DNAJC21: variants seen among roughly 807,000 people sequenced by gnomAD.
The protein encoded by DNAJC21 is dnaJ homolog subfamily C member 21.
DNAJC21 carries 63 observed loss-of-function variants against 72.4 expected under a neutral mutation model. The ratio of observed to expected loss-of-function variants is 0.87; its 90% CI spans 0.71 to 1.07. The LOEUF is 1.07. Among genes scored for constraint, DNAJC21 ranks in the 50% least tolerant of loss-of-function variants. DNAJC21 has a pLI of 0.00. For missense variants in DNAJC21, 634 were observed against 644.8 expected, an observed-to-expected ratio of 0.98 and a Z score of 0.18; for synonymous variants, 203 against 216.7, an observed-to-expected ratio of 0.94 and a Z score of 0.56.
intron 1 of DNAJC21, chr5:34,930,119 AC>A: frequency 2.6e-6 from 1 of 387,384 alleles, no homozygotes. Context: ...CCCGGCTCAC[AC>A]CCCATCTCCT....
chr5:34,951,351 G>C, intron 10 of DNAJC21: 3 of 985,404 alleles, frequency 3.0e-6, no homozygotes, highest in Non-Finnish European at 3.6e-6. Flanking sequence ...AAAAGCTATT[G>C]AGTAGAAAGG....
At chr5:34,947,953 T>C (rs1029941784) in intron 9 of DNAJC21, among the ~76,000 whole-genome samples, 1 of 152,140 alleles carries the variant, frequency 6.6e-6, no homozygotes, top group Non-Finnish European at 1.5e-5. Context: ...TCCTGTGCTA[T>C]TGGGATTTTT....
At chr5:34,950,920 G>T (rs1448918338) in intron 10 of DNAJC21, 9 of 985,396 alleles carry the variant, frequency 9.1e-6, no homozygotes, top group Non-Finnish European at 9.6e-6. Context: ...ATCCTCCTCG[G>T]TTCCTCTAGA....
rs138107379 is a variant in DNAJC21, at chr5:34,944,685, C to T, written c.984-182C>T. Among the ~76,000 whole-genome samples the T allele has an allele frequency of 4.6e-5, 7 of 151,786 alleles. No individual in the cohort carries two copies. In the East Asian group the frequency reaches 7.7e-4, roughly 17 times the overall value. On this transcript the variant is annotated intron_variant, in intron 7 of 11. Coordinates refer to ENST00000648817, the MANE Select transcript of DNAJC21 (RefSeq NM_001012339.3). Reference sequence around the variant, plus strand: ...TGCTCACTGCCAAGGAATCCTGACACGTTCTGTTTCTCTGTATAAAATCAT... The same window carrying T: ...TGCTCACTGCCAAGGAATCCTGACATGTTCTGTTTCTCTGTATAAAATCAT...
Position 34,951,020 on chromosome 5 carries a change from G to A in DNAJC21, c.1358+678G>A, listed in dbSNP as rs945670468. 6 of 985,398 alleles carry A rather than the reference G, an allele frequency of 6.1e-6. No homozygotes were observed. The African/African-American group carries it at 1.0e-4, about 17-fold the overall frequency. The allele number at this position is 985,398 out of a possible 1,614,324, so 61.0% of individuals were successfully genotyped here. ...TTACAGAACCCTGAAAAGAATTAAA[G>A]TGAGAGAGCAAAGTGGGAGCATGAC... is the stretch of plus-strand genomic sequence containing the variant. On this transcript the variant is annotated intron_variant, in intron 10 of 11. Coordinates refer to ENST00000648817, the MANE Select transcript of DNAJC21 (RefSeq NM_001012339.3).
At chr5:34,933,672 TA>T (rs372473793) in intron 1 of DNAJC21, 142 bp from the exon 2 acceptor site, 8 of 582,538 alleles carry the variant, frequency 1.4e-5, no homozygotes, top group Admixed American at 1.3e-4. Flanking sequence ...TATTGACTGT[TA>T]CGTGGAGTCT....
chr5:34,941,852 C>T (rs1390849244), intron 7 of DNAJC21, among the ~76,000 whole-genome samples: 2 of 151,970 alleles, frequency 1.3e-5, no homozygotes, highest in African/African-American at 4.8e-5. Flanking sequence ...CAGGCGTGAG[C>T]CACAGCGCCT....
chr5:34,936,331 T>C, intron 4 of DNAJC21, 65 bp downstream of exon 4: 1 of 1,567,584 alleles, frequency 6.4e-7, no homozygotes, highest in East Asian at 2.3e-5. Context: ...AATTTTATTT[T>C]ACTTTTTGAG....
rs758445833 is a variant in DNAJC21, at chr5:34,945,801, C to G, written c.1183C>G (p.Gln395Glu). The G allele has an allele frequency of 2.5e-6, 4 of 1,580,366 alleles. No individual in the cohort carries two copies. In the African/African-American group the frequency reaches 5.5e-5, roughly 22 times the overall value. Reference sequence around the variant, plus strand: ...GAAGAAAAAGAAACAGAAACCAGCACAGGTATGTTAGAAAGGTTTTGTTAA... The same window carrying G: ...GAAGAAAAAGAAACAGAAACCAGCAGAGGTATGTTAGAAAGGTTTTGTTAA... ...KQKKKKQKPA[Q>E]NYDDNFNVNG... is the part of the protein sequence containing the mutation. Residue 395 changes from glutamine (Q) to glutamate (E), a missense_variant and splice_region_variant, in exon 9 of 12, where the codon CAG (glutamine) becomes GAG (glutamate). Physicochemically the swap from Gln to Glu is conservative, Grantham distance 29 (BLOSUM62 2). Coordinates refer to ENST00000648817, the MANE Select transcript of DNAJC21 (RefSeq NM_001012339.3).
At chr5:34,943,761 T>C (rs1171336053) in intron 7 of DNAJC21, among the ~76,000 whole-genome samples, 1 of 152,250 alleles carries the variant, frequency 6.6e-6, no homozygotes, top group African/African-American at 2.4e-5. Flanking sequence ...CTTGGCCTTC[T>C]GCTGTAAACA....
intron 2 of DNAJC21, among the ~76,000 whole-genome samples, chr5:34,934,286 T>C (rs545731083): frequency 1.3e-5 from 2 of 152,180 alleles, no homozygotes; most frequent in African/African-American, 2.4e-5. Context: ...TGGAGTGCAG[T>C]GGCGCAATCT....
chr5:34,929,746 G>GCCT lies in DNAJC21; in HGVS notation c.-72_-71insTCC, dbSNP rs997275161. The GCCT allele has an allele frequency of 1.0e-5, 8 of 767,580 alleles. No homozygotes were observed. In the African/African-American group the frequency reaches 1.3e-4, roughly 13 times the overall value. 47.5% of individuals were successfully genotyped at this position (767,580 alleles called of 1,614,324 possible). ...GGAGAGGACTGCCAGCGCCGCCGCC[G>GCCT]CCGCCGCTTCGGCCCGGGCCCGGGC... is the stretch of plus-strand genomic sequence containing the variant. On this transcript the variant is annotated 5_prime_UTR_variant, in exon 1 of 12. Transcript: ENST00000648817.
rs1404321493 is a variant in DNAJC21, at chr5:34,950,308, A to C, written c.1324A>C (p.Lys442Gln). 1 of 1,611,772 alleles carries C rather than the reference A, an allele frequency of 6.2e-7. No individual in the cohort carries two copies. The highest frequency in any genetic ancestry group is 8.5e-7 in the Non-Finnish European group (1 of 1,179,380). ...QENVSVTEIIKPCDDPKSEAK... is the reference protein window; with the variant it reads ...QENVSVTEIIQPCDDPKSEAK... ...AAATGTCAGTGTCACAGAGATCATTAAACCATGTGATGATCCAAAAAGTGA... is the reference window on the plus strand; with the variant it reads ...AAATGTCAGTGTCACAGAGATCATTCAACCATGTGATGATCCAAAAAGTGA... The change falls in exon 10 of 12, where the codon AAA becomes CAA. Residue 442 changes from lysine (K) to glutamine (Q), a missense_variant. By Grantham distance (53) the Lys-to-Gln change is moderately conservative (BLOSUM62 1). Transcript: ENST00000648817.
rs766592748 is a variant in DNAJC21 at position 34,937,649 on chromosome 5, G to A, written c.743+19G>A. 1 of 1,596,050 alleles carries A rather than the reference G, an allele frequency of 6.3e-7. No individual in the cohort carries two copies. On this transcript the variant is annotated intron_variant, in intron 5 of 11. Coordinates refer to ENST00000648817, the MANE Select transcript of DNAJC21 (RefSeq NM_001012339.3). ...AGGCCAAGTGCGTAGCGTGCGTGGG[G>A]CCCTCTTCTCAGTATCGGTGGGGGT... is the stretch of plus-strand genomic sequence containing the variant.
chr5:34,941,203 T>G lies in DNAJC21; in HGVS notation c.983+20T>G. On this transcript the variant is annotated intron_variant, in intron 7 of 11. Coordinates refer to ENST00000648817, the MANE Select transcript of DNAJC21 (RefSeq NM_001012339.3). ...AAAGGCGTAAGTTTATTAATTTAATTTAATTTAATTTTGAGACAGGGTCTC... is the reference window on the plus strand; with the variant it reads ...AAAGGCGTAAGTTTATTAATTTAATGTAATTTAATTTTGAGACAGGGTCTC... 6.2e-7 allele frequency: 1 copy of G among 1,606,852 alleles called. No individual in the cohort carries two copies. Among genetic ancestry groups the G allele is most frequent in the Non-Finnish European group, 8.5e-7 (1 of 1,175,186 alleles).
chr5:34,945,617 C>T, intron 8 of DNAJC21, 144 bp from the exon 9 acceptor site: 1 of 650,820 alleles, frequency 1.5e-6, no homozygotes, highest in South Asian at 3.0e-5. Flanking sequence ...ACTTTATTTT[C>T]CTTTTAATGC....
At position 34,958,282 on chromosome 5, in the gene DNAJC21, T is replaced by TAGAG. The variant is rs1204727875; in HGVS notation, c.*3569_*3572dup. 4 of 152,148 alleles carry TAGAG rather than the reference T, an allele frequency of 2.6e-5. No homozygotes were observed. Among genetic ancestry groups the TAGAG allele is most frequent in the Non-Finnish European group, 5.9e-5 (4 of 68,030 alleles). 9.4% of individuals were successfully genotyped at this position (152,148 alleles called of 1,614,324 possible). The stretch of plus-strand genomic sequence containing the variant: ...TAAAGTAGTGTGTGGCTGGTGCCAG[T>TAGAG]AGAGGTCAGTCAAGGGATCCCTGAC... On this transcript the variant is annotated 3_prime_UTR_variant, in exon 12 of 12. Coordinates refer to ENST00000648817, the MANE Select transcript of DNAJC21 (RefSeq NM_001012339.3).
intron 7 of DNAJC21, among the ~76,000 whole-genome samples, chr5:34,942,438 G>C (rs1765025540): frequency 6.6e-6 from 1 of 152,162 alleles, no homozygotes; most frequent in South Asian, 2.1e-4. Context: ...ATGGCGCTGT[G>C]AGAGTCATAA....
chr5:34,936,204 G>A lies in DNAJC21; in HGVS notation c.376G>A (p.Val126Met). The A allele has an allele frequency of 6.2e-7, 1 of 1,614,086 alleles. No individual in the cohort carries two copies. Among genetic ancestry groups the A allele is most frequent in the Non-Finnish European group, 8.5e-7 (1 of 1,179,976 alleles). ...EMIAKEELES[V>M]LEEEVDDFPT... Reference sequence around the variant, plus strand: ...GATTGCCAAGGAAGAACTAGAATCTGTGTTAGAGGAAGAGGTTGATGATTT... The same window carrying A: ...GATTGCCAAGGAAGAACTAGAATCTATGTTAGAGGAAGAGGTTGATGATTT... Residue 126 changes from valine (V) to methionine (M), a missense_variant, in exon 4 of 12, where the codon GTG becomes ATG. By Grantham distance (21) the Val-to-Met change is conservative. Coordinates refer to ENST00000648817, the MANE Select transcript of DNAJC21 (RefSeq NM_001012339.3).
Sources: allele counts gnomAD v4.1 joint callset (sites outside exome capture counted in the v4.1 genomes callset), GRCh38; gene constraint gnomAD v4.1.1; transcripts MANE v1.5; gene names NCBI Gene and HGNC (gene_info 2026-07-23, HGNC 2026-07-21).